BBX: variants seen among roughly 807,000 people sequenced by gnomAD.
The protein encoded by BBX is BBX high mobility group box domain containing, also known as HMG box transcription factor BBX.
BBX carries 30 observed loss-of-function variants against 100.2 expected under a neutral mutation model. That is an observed-to-expected ratio of 0.30 (90% CI 0.22 to 0.41). The LOEUF is 0.41. Among genes scored for constraint, BBX ranks in the 10% least tolerant of loss-of-function variants. The pLI is 1.00. For synonymous variants in BBX, 376 were observed against 388.1 expected (o/e 0.97, Z 0.37); for missense variants, 1,023 against 1,129.8 (o/e 0.91, Z 1.35).
intron 2 of BBX, among the ~76,000 whole-genome samples, chr3:107,557,937 C>T (rs1314647304): frequency 2.0e-5 from 3 of 152,222 alleles, no homozygotes; most frequent in African/African-American, 7.2e-5. Flanking sequence ...GGCCCCTGGA[C>T]TAGCTGGGTC....
intron 2 of BBX, among the ~76,000 whole-genome samples, chr3:107,611,106 G>A (rs2054817179): frequency 6.6e-6 from 1 of 152,030 alleles, no homozygotes; most frequent in Non-Finnish European, 1.5e-5. Context: ...AAACAAATAA[G>A]CAAAATGAGA....
intron 3 of BBX, among the ~76,000 whole-genome samples, chr3:107,686,440 T>C (rs1402737314): frequency 6.6e-6 from 1 of 152,056 alleles, no homozygotes; most frequent in Non-Finnish European, 1.5e-5. Context: ...TGTTTTTTTT[T>C]TTCTTCTGGT....
At chr3:107,535,434 G>T (rs747070561) in intron 2 of BBX, among the ~76,000 whole-genome samples, 2 of 151,870 alleles carry the variant, frequency 1.3e-5, no homozygotes, top group Non-Finnish European at 2.9e-5. Context: ...TGTTTAGTCA[G>T]CTTTCTTTCT....
chr3:107,779,536 T>C (rs1253973066), intron 13 of BBX, among the ~76,000 whole-genome samples: 3 of 152,114 alleles, frequency 2.0e-5, no homozygotes, highest in African/African-American at 7.2e-5. Context: ...CAGGATTTGC[T>C]GGAAGAGTTA....
intron 2 of BBX, among the ~76,000 whole-genome samples, chr3:107,596,973 C>G (rs191286052): frequency 7.9e-4 from 121 of 152,202 alleles, no homozygotes; most frequent in Non-Finnish European, 1.5e-3. Context: ...AGTACAGTGG[C>G]CTTTAAACTT....
At chr3:107,705,978 T>C (rs979642638) in intron 3 of BBX, among the ~76,000 whole-genome samples, 1 of 151,800 alleles carries the variant, frequency 6.6e-6, no homozygotes, top group Non-Finnish European at 1.5e-5. Context: ...AAGTTTCTCA[T>C]GAAGTCTGAC....
chr3:107,565,485 G>T lies in BBX; in HGVS notation c.-84+39087G>T, dbSNP rs374517057. 5.5e-3 allele frequency among the ~76,000 whole-genome samples: 272 copies of T among 49,100 alleles called. 1 individual carries two copies. Among genetic ancestry groups the T allele is most frequent in the Non-Finnish European group, 0.011 (209 of 18,514 alleles). The allele number at this position is 49,100 out of a possible 152,430, so 32.2% of individuals were successfully genotyped here. A position where few individuals can be genotyped will look rare whatever the true frequency, so the allele number is the denominator to read the frequency against. On this transcript the variant is annotated intron_variant, in intron 2 of 17. Transcript: ENST00000325805. ...TTTATTTATTTATTTATTTATGTAT[G>T]TTTGAGACGGAGTCTCACTCTGTTG...
intron 12 of BBX, 43 bp downstream of exon 12, chr3:107,774,900 A>G (rs771508266): frequency 3.1e-5 from 49 of 1,590,788 alleles, no homozygotes; most frequent in Non-Finnish European, 4.1e-5. Context: ...CACAAGCCTC[A>G]AGTGTGGGTG....
At chr3:107,780,970 T>C (rs1321842489) in intron 13 of BBX, among the ~76,000 whole-genome samples, 2 of 152,018 alleles carry the variant, frequency 1.3e-5, no homozygotes, top group Non-Finnish European at 2.9e-5. Flanking sequence ...CCTCTGATAA[T>C]TTGCCATTTG....
At chr3:107,589,596 C>G (rs1458025961) in intron 2 of BBX, among the ~76,000 whole-genome samples, 1 of 152,130 alleles carries the variant, frequency 6.6e-6, no homozygotes, top group Non-Finnish European at 1.5e-5. Flanking sequence ...GAAGTTCCAC[C>G]AAAGGAAGCA....
chr3:107,711,023 A>G (rs988565428), intron 4 of BBX, among the ~76,000 whole-genome samples: 1 of 152,020 alleles, frequency 6.6e-6, no homozygotes, highest in Non-Finnish European at 1.5e-5. Flanking sequence ...CTTTGTCTCT[A>G]TCCGTGGCCT....
At chr3:107,778,131 A>G (rs1414878902) in intron 12 of BBX, among the ~76,000 whole-genome samples, 1 of 152,170 alleles carries the variant, frequency 6.6e-6, no homozygotes, top group Non-Finnish European at 1.5e-5. Flanking sequence ...TTCTAATATT[A>G]TAAATGATGT....
intron 8 of BBX, among the ~76,000 whole-genome samples, chr3:107,745,253 C>G (rs562590262): frequency 6.6e-6 from 1 of 152,254 alleles, no homozygotes; most frequent in Non-Finnish European, 1.5e-5. Context: ...TCCTTGATAT[C>G]AAGTCTAAAG....
At chr3:107,623,237 AT>A (rs749939725) in intron 2 of BBX, among the ~76,000 whole-genome samples, 7 of 152,270 alleles carry the variant, frequency 4.6e-5, no homozygotes, top group Middle Eastern at 3.4e-3. Context: ...GATAAAGAGG[AT>A]AAAAACAACA....
Position 107,800,192 on chromosome 3 carries a change from G to A in BBX, c.2552-903G>A, listed in dbSNP as rs114529719. ...ATTCAATACAATAGAAGTAGAATGA[G>A]GACTAACACCTAGATGTCCTGATGT... On this transcript the variant is annotated intron_variant, in intron 16 of 17. Coordinates refer to ENST00000325805, the MANE Select transcript of BBX (RefSeq NM_001142568.3). 2.7e-3 allele frequency among the ~76,000 whole-genome samples: 413 copies of A among 152,286 alleles called. 4 individuals carry two copies. Among genetic ancestry groups the A allele is most frequent in the East Asian group, 7.3e-3 (38 of 5,180 alleles).
chr3:107,636,068 C>T (rs902358875), intron 2 of BBX, among the ~76,000 whole-genome samples: 1 of 152,144 alleles, frequency 6.6e-6, no homozygotes, highest in African/African-American at 2.4e-5. Flanking sequence ...TCCCTTTGGG[C>T]ACTGGGAATA....
intron 2 of BBX, among the ~76,000 whole-genome samples, chr3:107,582,271 G>C (rs1452663931): frequency 6.6e-6 from 1 of 151,110 alleles, no homozygotes; most frequent in Non-Finnish European, 1.5e-5. Context: ...TTTTTAGCAC[G>C]CATATGGCAT....
chr3:107,533,146 C>G (rs927565962), intron 2 of BBX, among the ~76,000 whole-genome samples: 3 of 152,010 alleles, frequency 2.0e-5, no homozygotes, highest in Non-Finnish European at 4.4e-5. Flanking sequence ...CTAGATATAG[C>G]TAGGAATGTT....
intron 2 of BBX, among the ~76,000 whole-genome samples, chr3:107,637,482 G>A (rs1473685899): frequency 6.6e-6 from 1 of 152,212 alleles, no homozygotes; most frequent in Non-Finnish European, 1.5e-5. Context: ...TCATATTCCA[G>A]AAGGGCAGTG....
Sources: allele counts gnomAD v4.1 joint callset (sites outside exome capture counted in the v4.1 genomes callset), GRCh38; gene constraint gnomAD v4.1.1; transcripts MANE v1.5; gene names NCBI Gene and HGNC (gene_info 2026-07-23, HGNC 2026-07-21).